EPC2: variants seen among roughly 807,000 people sequenced by gnomAD.
EPC2 encodes the protein enhancer of polycomb 2.
A neutral mutation model predicts 92.1 loss-of-function variants in EPC2; 14 were observed. The observed-to-expected ratio is 0.15, with a 90% CI of 0.10 to 0.24. The LOEUF is 0.24. EPC2 is among the 10% of genes least tolerant of loss of function. The pLI is 1.00. For synonymous variants in EPC2, 340 were observed against 334.7 expected, an observed-to-expected ratio of 1.02 and a Z score of -0.17; for missense variants, 755 against 971.5, an observed-to-expected ratio of 0.78 and a Z score of 2.96.
At chr2:148,773,728 T>C (rs988836499) in intron 10 of EPC2, among the ~76,000 whole-genome samples, 1 of 152,148 alleles carries the variant, frequency 6.6e-6, no homozygotes, top group Non-Finnish European at 1.5e-5. Flanking sequence ...GAAACCATAA[T>C]TTAATGATTT....
Position 148,729,488 on chromosome 2 carries a change from T to G in EPC2, c.314-14134T>G, listed in dbSNP as rs1018122010. Reference sequence around the variant, plus strand: ...CATTATTATTAACTAAACCCCAGACTTTACTTGAATTTCTCTCAGGATTGT... The same window carrying G: ...CATTATTATTAACTAAACCCCAGACGTTACTTGAATTTCTCTCAGGATTGT... On this transcript the variant is annotated intron_variant, in intron 2 of 13. Transcript: ENST00000258484. Among the ~76,000 whole-genome samples the G allele has an allele frequency of 3.9e-5, 6 of 152,310 alleles. No homozygotes were observed. The Middle Eastern group carries it at 0.02, about 518-fold the overall frequency.
intron 2 of EPC2, among the ~76,000 whole-genome samples, chr2:148,731,671 G>A (rs1156855757): frequency 6.6e-6 from 1 of 152,112 alleles, no homozygotes; most frequent in African/African-American, 2.4e-5. Context: ...CAAAGTGCTG[G>A]GATTACAGGC....
chr2:148,717,118 G>C (rs1399395489), intron 2 of EPC2, among the ~76,000 whole-genome samples: 3 of 148,970 alleles, frequency 2.0e-5, no homozygotes, highest in African/African-American at 7.4e-5. Context: ...TTATTTGACT[G>C]TTCTGTCTTC....
chr2:148,737,053 G>T (rs1682772019), intron 2 of EPC2, among the ~76,000 whole-genome samples: 1 of 152,158 alleles, frequency 6.6e-6, no homozygotes, highest in Non-Finnish European at 1.5e-5. Flanking sequence ...AGCCAAGATT[G>T]TGCCATTGCA....
At chr2:148,707,880 C>A (rs1682038652) in intron 2 of EPC2, among the ~76,000 whole-genome samples, 1 of 152,116 alleles carries the variant, frequency 6.6e-6, no homozygotes, top group Admixed American at 6.5e-5. Context: ...CGCTAAACAC[C>A]CACAAGAGAA....
At chr2:148,681,149 C>T (rs946715724) in intron 1 of EPC2, among the ~76,000 whole-genome samples, 1 of 152,132 alleles carries the variant, frequency 6.6e-6, no homozygotes, top group African/African-American at 2.4e-5. Flanking sequence ...CCCCACAGTC[C>T]AGTGGAAGAA....
At chr2:148,784,539 G>C (rs1433807201) in intron 12 of EPC2, 129 bp from the exon 13 acceptor site, 1 of 691,576 alleles carries the variant, frequency 1.4e-6, no homozygotes, top group South Asian at 2.0e-5. Context: ...CCTTTGGAGA[G>C]ACCAGTGTGT....
In EPC2 at chr2:148,690,247, C is replaced by G; in HGVS notation, c.187C>G (p.Gln63Glu). The G allele has an allele frequency of 6.2e-7, 1 of 1,606,642 alleles. No individual in the cohort carries two copies. The highest frequency in any genetic ancestry group is 2.2e-5 in the East Asian group (1 of 44,734). Reference sequence around the variant, plus strand: ...TTTACAGCGAGCAATTTCAGCACAGCAAGTGTTTAGAGAAAAAAAAGAGAG... The same window carrying G: ...TTTACAGCGAGCAATTTCAGCACAGGAAGTGTTTAGAGAAAAAAAAGAGAG... ...HHLQRAISAQ[Q>E]VFREKKESMV... Residue 63 changes from glutamine (Q) to glutamate (E), a missense_variant, in exon 2 of 14, where the codon CAA becomes GAA. Physicochemically the swap from Gln to Glu is conservative, Grantham distance 29. Around this residue, in one of 4 missense-constraint regions of EPC2, gnomAD observed 509 missense variants for 607.7 expected, o/e 0.84. Transcript: ENST00000258484.
intron 2 of EPC2, among the ~76,000 whole-genome samples, chr2:148,704,138 A>G (rs1681946170): frequency 6.6e-6 from 1 of 152,248 alleles, no homozygotes; most frequent in Non-Finnish European, 1.5e-5. Context: ...AAAACATGGA[A>G]TTAATACAGG....
intron 2 of EPC2, among the ~76,000 whole-genome samples, chr2:148,711,930 G>A (rs1412543268): frequency 8.5e-5 from 13 of 152,070 alleles, no homozygotes; most frequent in Non-Finnish European, 1.9e-4. Flanking sequence ...TAAGCATGGT[G>A]TATCTTTCTC....
At chr2:148,659,605 AC>A in intron 1 of EPC2, among the ~76,000 whole-genome samples, 1 of 152,230 alleles carries the variant, frequency 6.6e-6, no homozygotes, top group Middle Eastern at 3.4e-3. Flanking sequence ...AGATATTGTG[AC>A]TAGGCACTCT....
rs3076616 is a variant in EPC2 at position 148,658,607 on chromosome 2, GTATATATA to G, written c.153+13455_153+13462del. Among the ~76,000 whole-genome samples the G allele has an allele frequency of 9.8e-3, 1,379 of 141,258 alleles. 20 individuals are homozygous for G. The highest frequency in any genetic ancestry group is 0.032 in the African/African-American group (1,229 of 38,000). 92.7% of individuals were successfully genotyped at this position (141,258 alleles called of 152,430 possible). The stretch of plus-strand genomic sequence containing the variant: ...ATGAAGATTAGCTGTGTGTGTGTGT[GTATATATA>G]TATATATATATATATATGCATTTTT... On this transcript the variant is annotated intron_variant, in intron 1 of 13. Coordinates refer to ENST00000258484, the MANE Select transcript of EPC2 (RefSeq NM_015630.4).
chr2:148,781,613 A>G (rs1683750017), intron 10 of EPC2, 31 bp from the exon 11 acceptor site: 2 of 1,593,072 alleles, frequency 1.3e-6, no homozygotes, highest in Admixed American at 1.8e-5. Context: ...TTTAAAACGT[A>G]CTCATTTCCA....
intron 2 of EPC2, among the ~76,000 whole-genome samples, chr2:148,709,686 A>G (rs1425562615): frequency 6.6e-6 from 1 of 152,242 alleles, no homozygotes; most frequent in East Asian, 1.9e-4. Context: ...CTCAGAAATA[A>G]TGCCACATAT....
chr2:148,683,680 A>G (rs571113453), intron 1 of EPC2, among the ~76,000 whole-genome samples: 9 of 152,018 alleles, frequency 5.9e-5, no homozygotes, highest in East Asian at 1.9e-4. Flanking sequence ...ATGGTCTTCA[A>G]CTCTATCCAG....
At position 148,708,647 on chromosome 2, in the gene EPC2, A is replaced by G. The variant is rs561986812; in HGVS notation, c.313+18274A>G. On this transcript the variant is annotated intron_variant, in intron 2 of 13. Coordinates refer to ENST00000258484, the MANE Select transcript of EPC2 (RefSeq NM_015630.4). ...GGCACATCAAAAAGCTTATCCACCA[A>G]TATCAAGTTGGCTTCATCCCTGGGA... 2.4e-4 allele frequency among the ~76,000 whole-genome samples: 37 copies of G among 152,294 alleles called. 1 individual carries two copies. Among genetic ancestry groups the G allele is most frequent in the Admixed American group, 6.5e-4 (10 of 15,302 alleles).
rs201981781 is a variant in EPC2 at position 148,668,666 on chromosome 2, G to A, written c.154-21548G>A. On this transcript the variant is annotated intron_variant, in intron 1 of 13. Transcript: ENST00000258484. Reference sequence around the variant, plus strand: ...AGTGAGCTTTGATTACTTCTTTCAAGGAATTTGTCCTTTTCAGCTAGTTGT... The same window carrying A: ...AGTGAGCTTTGATTACTTCTTTCAAAGAATTTGTCCTTTTCAGCTAGTTGT... 5.8e-4 allele frequency among the ~76,000 whole-genome samples: 89 copies of A among 152,254 alleles called. 1 individual carries two copies. In the East Asian group the frequency reaches 0.01, roughly 18 times the overall value.
chr2:148,680,525 G>A (rs1007653306), intron 1 of EPC2, among the ~76,000 whole-genome samples: 2 of 152,166 alleles, frequency 1.3e-5, no homozygotes, highest in Non-Finnish European at 2.9e-5. Flanking sequence ...TATATCTTGA[G>A]GCCGGATATT....
intron 3 of EPC2, among the ~76,000 whole-genome samples, chr2:148,744,995 C>CG (rs917367590): frequency 1.7e-5 from 2 of 118,500 alleles, no homozygotes; most frequent in East Asian, 2.4e-4. Flanking sequence ...GTTTGCCCCC[C>CG]CCCCCCGCAC....
Sources: gnomAD v4.1 joint callset for allele counts (sites outside exome capture counted in the v4.1 genomes callset) on GRCh38, gnomAD v4.1.1 for gene constraint, gnomAD v4.1.1 regional missense constraint, MANE v1.5 for transcripts, NCBI Gene and HGNC (gene_info 2026-07-23, HGNC 2026-07-21) for gene names.